Variants in TAFA2 observed in about 807,000 individuals in gnomAD.
The protein encoded by TAFA2 is TAFA chemokine like family member 2.
Under a neutral mutation model 18.8 loss-of-function variants are expected in TAFA2, and 7 were observed. That is an observed-to-expected ratio of 0.37 (90% CI 0.21 to 0.70). The LOEUF is 0.70. Among genes scored for constraint, TAFA2 ranks in the 30% least tolerant of loss-of-function variants. TAFA2 has a pLI of 0.53. For missense variants in TAFA2, 122 were observed against 158.1 expected, an observed-to-expected ratio of 0.77 and a Z score of 1.23; for synonymous variants, 60 against 54.2, an observed-to-expected ratio of 1.11 and a Z score of -0.47.
intron 4 of TAFA2, among the ~76,000 whole-genome samples, chr12:61,750,768 G>C (rs1003430750): frequency 1.3e-5 from 2 of 152,076 alleles, no homozygotes; most frequent in African/African-American, 4.8e-5. Flanking sequence ...GTACATTATT[G>C]CATATTTTAA....
chr12:61,793,667 TA>T (rs1231007714), intron 2 of TAFA2, among the ~76,000 whole-genome samples: 1 of 151,748 alleles, frequency 6.6e-6, no homozygotes, highest in Non-Finnish European at 1.5e-5. Flanking sequence ...ACCAAGCATT[TA>T]AGGAAGAAAT....
At chr12:62,215,814 C>T (rs980287650) in intron 1 of TAFA2, among the ~76,000 whole-genome samples, 1 of 150,032 alleles carries the variant, frequency 6.7e-6, no homozygotes, top group Non-Finnish European at 1.5e-5. Context: ...CTCCCTGAAT[C>T]TTGGTTTCTT....
rs549165706 is a variant in TAFA2 at position 62,105,187 on chromosome 12, G to A, written c.-2+86072C>T. Reference sequence around the variant, plus strand: ...TTTACAGAAGATATGTGACTGCTCCGAGTCCCCAGAAGAGAAAATCAAAAA... The same window carrying A: ...TTTACAGAAGATATGTGACTGCTCCAAGTCCCCAGAAGAGAAAATCAAAAA... On this transcript the variant is annotated intron_variant, in intron 1 of 4. Coordinates refer to ENST00000416284, the MANE Select transcript of TAFA2 (RefSeq NM_178539.5). Among the ~76,000 whole-genome samples, 35 of 152,080 alleles carry A rather than the reference G, an allele frequency of 2.3e-4. 1 individual carries two copies. The South Asian group carries it at 6.7e-3, about 29-fold the overall frequency.
At chr12:62,044,068 T>C (rs1427775704) in intron 1 of TAFA2, among the ~76,000 whole-genome samples, 1 of 152,096 alleles carries the variant, frequency 6.6e-6, no homozygotes, top group East Asian at 1.9e-4. Context: ...ATCTTTGCAA[T>C]GCATACTTTC....
At chr12:61,897,046 T>C (rs1056152258) in intron 1 of TAFA2, among the ~76,000 whole-genome samples, 2 of 152,150 alleles carry the variant, frequency 1.3e-5, no homozygotes, top group Non-Finnish European at 2.9e-5. Flanking sequence ...ATAAGTAACA[T>C]AGGTATATTT....
intron 1 of TAFA2, among the ~76,000 whole-genome samples, chr12:62,248,713 T>C (rs2884779): frequency 0.16 from 24,748 of 152,174 alleles, 2,448 homozygotes; most frequent in East Asian, 0.35. Context: ...TTACTTTATT[T>C]GTTGAAATTA....
chr12:61,720,802 T>C, intron 4 of TAFA2: 1 of 450,544 alleles, frequency 2.2e-6, no homozygotes, highest in Non-Finnish European at 4.4e-6. Context: ...TCGCCACAAC[T>C]AGTGCTCCAA....
intron 1 of TAFA2, among the ~76,000 whole-genome samples, chr12:62,064,943 G>A (rs9739327): frequency 0.17 from 25,456 of 151,764 alleles, 2,504 homozygotes; most frequent in East Asian, 0.4. Flanking sequence ...AGTTTCCATT[G>A]TCTATGTTTC....
intron 1 of TAFA2, among the ~76,000 whole-genome samples, chr12:62,120,297 G>A (rs185849637): frequency 5.7e-4 from 87 of 152,194 alleles, no homozygotes; most frequent in Non-Finnish European, 7.2e-4. Context: ...TAATTACTAA[G>A]CACGTAAGAG....
At position 62,256,291 on chromosome 12, in the gene TAFA2, T is replaced by C. The variant is rs1327397299; in HGVS notation, c.-130+2472A>G. Reference sequence around the variant, plus strand: ...CTCCAAAAAAAAAAAGGATATAAAGTAGGAACCTAGATTAATTAATTTGTA... The same window carrying C: ...CTCCAAAAAAAAAAAGGATATAAAGCAGGAACCTAGATTAATTAATTTGTA... On this transcript the variant is annotated intron_variant, in intron 1 of 5. Coordinates refer to the TAFA2 transcript ENST00000551619. Among the ~76,000 whole-genome samples the C allele has an allele frequency of 2.6e-5, 4 of 151,970 alleles. No individual in the cohort carries two copies. In the South Asian group the frequency reaches 6.2e-4, roughly 24 times the overall value.
intron 1 of TAFA2, chr12:62,021,838 C>T (rs1881151325): frequency 1.2e-6 from 1 of 807,406 alleles, no homozygotes; most frequent in Non-Finnish European, 2.2e-6. Flanking sequence ...ATCAGGCCAT[C>T]CACAAAACTT....
chr12:61,802,041 G>T (rs1871417943), intron 2 of TAFA2, among the ~76,000 whole-genome samples: 1 of 152,074 alleles, frequency 6.6e-6, no homozygotes, highest in Non-Finnish European at 1.5e-5. Flanking sequence ...TCAGAGAAAT[G>T]CAAGTCAAAA....
At chr12:61,787,481 G>T (rs910455529) in intron 2 of TAFA2, among the ~76,000 whole-genome samples, 1 of 151,626 alleles carries the variant, frequency 6.6e-6, no homozygotes, top group Non-Finnish European at 1.5e-5. Flanking sequence ...TATCAAAGTG[G>T]TTAAAAATAA....
At chr12:61,918,571 G>A (rs2121359434) in intron 1 of TAFA2, among the ~76,000 whole-genome samples, 1 of 152,228 alleles carries the variant, frequency 6.6e-6, no homozygotes, top group East Asian at 1.9e-4. Context: ...GGACACTTAG[G>A]TTGTTTCCAA....
At chr12:61,856,849 A>G (rs1407806990) in intron 2 of TAFA2, among the ~76,000 whole-genome samples, 1 of 151,816 alleles carries the variant, frequency 6.6e-6, no homozygotes, top group Non-Finnish European at 1.5e-5. Context: ...TATTTTTACT[A>G]AAAATGAAAG....
intron 2 of TAFA2, among the ~76,000 whole-genome samples, chr12:61,836,422 T>C (rs983449621): frequency 6.6e-5 from 10 of 151,952 alleles, no homozygotes; most frequent in African/African-American, 2.4e-4. Context: ...AGAGGATACA[T>C]TATAAACTCT....
At chr12:61,904,176 G>T (rs564126126) in intron 1 of TAFA2, among the ~76,000 whole-genome samples, 3 of 152,036 alleles carry the variant, frequency 2.0e-5, no homozygotes, top group Non-Finnish European at 4.4e-5. Flanking sequence ...GCAGCTAGTG[G>T]TGGTGTTCTA....
At chr12:61,852,187 CA>C (rs1873701258) in intron 2 of TAFA2, among the ~76,000 whole-genome samples, 1 of 124,424 alleles carries the variant, frequency 8.0e-6, no homozygotes, top group Non-Finnish European at 1.7e-5. Flanking sequence ...GCCTGGGCAA[CA>C]AGAGCGAAAC....
chr12:61,828,825 C>G (rs548554856), intron 2 of TAFA2, among the ~76,000 whole-genome samples: 2 of 151,762 alleles, frequency 1.3e-5, no homozygotes, highest in East Asian at 3.9e-4. Context: ...TTTAACGAAT[C>G]AAATTGATTT....
Sources: allele counts gnomAD v4.1 joint callset (sites outside exome capture counted in the v4.1 genomes callset), GRCh38; gene constraint gnomAD v4.1.1; transcripts MANE v1.5; gene names NCBI Gene and HGNC (gene_info 2026-07-23, HGNC 2026-07-21).